NIPAL2: variants seen among roughly 807,000 people sequenced by gnomAD.
NIPAL2 encodes the protein NIPA-like protein 2.
NIPAL2 carries 43 observed loss-of-function variants against 48.9 expected under a neutral mutation model. The observed-to-expected ratio is 0.88, with a 90% CI of 0.69 to 1.13. NIPAL2 has a LOEUF of 1.13. Ranked by LOEUF, NIPAL2 falls within the 50% of genes most tolerant of loss-of-function variation. The pLI is 0.00. For synonymous variants in NIPAL2, 167 were observed against 174.6 expected, an observed-to-expected ratio of 0.96 and a Z score of 0.34; for missense variants, 446 against 461.4, an observed-to-expected ratio of 0.97 and a Z score of 0.31.
chr8:98,256,187 C>A (rs1813880824), intron 1 of NIPAL2, among the ~76,000 whole-genome samples: 1 of 151,976 alleles, frequency 6.6e-6, no homozygotes, highest in Non-Finnish European at 1.5e-5. Flanking sequence ...CCACACCCAG[C>A]AAATTTTTGT....
At chr8:98,238,760 T>C (rs1812844531) in intron 3 of NIPAL2, among the ~76,000 whole-genome samples, 1 of 152,204 alleles carries the variant, frequency 6.6e-6, no homozygotes, top group African/African-American at 2.4e-5. Flanking sequence ...TTTGAGTGTT[T>C]TGGTTTTAAA....
chr8:98,282,650 C>G (rs1815908030), intron 1 of NIPAL2, among the ~76,000 whole-genome samples: 1 of 151,974 alleles, frequency 6.6e-6, no homozygotes, highest in Admixed American at 6.5e-5. Context: ...CCAGCCTGGG[C>G]AACAGAGTGA....
chr8:98,201,843 ATTACT>A (rs1402529997), intron 8 of NIPAL2, among the ~76,000 whole-genome samples: 1 of 152,210 alleles, frequency 6.6e-6, no homozygotes, highest in African/African-American at 2.4e-5. Context: ...AAATGCATTA[ATTACT>A]TTAAAGAACT....
At chr8:98,211,588 C>T (rs1811317117) in intron 6 of NIPAL2, among the ~76,000 whole-genome samples, 1 of 152,130 alleles carries the variant, frequency 6.6e-6, no homozygotes, top group Admixed American at 6.5e-5. Context: ...CAAGTCATGG[C>T]AAACAGCACA....
At position 98,203,187 on chromosome 8, in the gene NIPAL2, A is replaced by G. The variant is rs200822750; in HGVS notation, c.801T>C (p.Asn267=). 9 of 1,613,994 alleles carry G rather than the reference A, an allele frequency of 5.6e-6. No individual in the cohort carries two copies. In the African/African-American group the frequency reaches 1.1e-4, roughly 19 times the overall value. The stretch of plus-strand genomic sequence containing the variant: ...TCGTATTGTAGAGTTTCGTGGCTTG[A>G]TTCAGGAACCTAGGGCAGAAGGCAC... ...ASCVFQVKFL[N]QATKLYNTTT... is the part of the protein sequence containing the mutation. The change falls in exon 8 of 11, where the codon AAT becomes AAC. Residue 267 remains asparagine, a synonymous_variant. Coordinates refer to ENST00000430223, the MANE Select transcript of NIPAL2 (RefSeq NM_001321635.2).
At chr8:98,282,029 C>T (rs1415908870) in intron 1 of NIPAL2, among the ~76,000 whole-genome samples, 2 of 152,180 alleles carry the variant, frequency 1.3e-5, no homozygotes, top group African/African-American at 4.8e-5. Context: ...CCTCTTTCTG[C>T]CAGGCAAGGT....
intron 1 of NIPAL2, among the ~76,000 whole-genome samples, chr8:98,280,710 G>C (rs890059241): frequency 7.5e-6 from 1 of 133,974 alleles, no homozygotes; most frequent in African/African-American, 2.8e-5. Context: ...TATAACATGT[G>C]CCTCTGACTT....
intron 4 of NIPAL2, among the ~76,000 whole-genome samples, chr8:98,227,294 C>T (rs527464009): frequency 2.0e-5 from 3 of 152,228 alleles, no homozygotes; most frequent in Admixed American, 2.0e-4. Context: ...CATTTTTATT[C>T]ATTCATCTCC....
intron 1 of NIPAL2, among the ~76,000 whole-genome samples, chr8:98,261,816 A>C (rs1467554859): frequency 1.6e-4 from 24 of 147,914 alleles, no homozygotes; most frequent in African/African-American, 5.8e-4. Flanking sequence ...AACTCCAAGA[A>C]ACATAATTGT....
At position 98,210,929 on chromosome 8, in the gene NIPAL2, G is replaced by A. The variant is rs372757342; in HGVS notation, c.655+1476C>T. ...TTTATGCATGTAGCCAAAACACTTC[G>A]CAACCTGCAAGGGCCAATCAGAAAG... On this transcript the variant is annotated intron_variant, in intron 6 of 10. Coordinates refer to ENST00000430223, the MANE Select transcript of NIPAL2 (RefSeq NM_001321635.2). Among the ~76,000 whole-genome samples the A allele has an allele frequency of 5.9e-5, 9 of 152,106 alleles. No homozygotes were observed. In the South Asian group the frequency reaches 1.0e-3, roughly 18 times the overall value.
chr8:98,266,106 G>GGAAT (rs1213755318), intron 1 of NIPAL2, among the ~76,000 whole-genome samples: 25 of 129,440 alleles, frequency 1.9e-4, no homozygotes, highest in Non-Finnish European at 3.5e-4. Context: ...CACAGGAAGG[G>GGAAT]GAATATCACA....
At chr8:98,252,415 T>C (rs1813638135) in intron 3 of NIPAL2, 48 bp downstream of exon 3, 8 of 1,482,112 alleles carry the variant, frequency 5.4e-6, no homozygotes, top group Non-Finnish European at 7.2e-6. Context: ...TTTTCTCCGA[T>C]TATTCTGCTC....
intron 4 of NIPAL2, among the ~76,000 whole-genome samples, chr8:98,224,336 GT>G (rs891589863): frequency 2.0e-5 from 3 of 150,894 alleles, no homozygotes; most frequent in Admixed American, 6.6e-5. Flanking sequence ...TGTACATGAG[GT>G]TTTTTTTTAC....
chr8:98,258,887 A>G (rs1179290672), intron 1 of NIPAL2, among the ~76,000 whole-genome samples: 1 of 151,888 alleles, frequency 6.6e-6, no homozygotes, highest in Non-Finnish European at 1.5e-5. Flanking sequence ...TCGTTACTTA[A>G]TTAAGCGCCT....
At chr8:98,223,129 T>A (rs1265519596) in intron 4 of NIPAL2, among the ~76,000 whole-genome samples, 1 of 152,252 alleles carries the variant, frequency 6.6e-6, no homozygotes, top group African/African-American at 2.4e-5. Context: ...GCATCTTTAA[T>A]CACTGCCATT....
chr8:98,199,789 C>T (rs1269816617), intron 8 of NIPAL2, among the ~76,000 whole-genome samples: 2 of 152,124 alleles, frequency 1.3e-5, no homozygotes, highest in African/African-American at 4.8e-5. Context: ...CACAAACCTT[C>T]AATTTGTAAA....
Position 98,286,049 on chromosome 8 carries a change from A to C in NIPAL2, c.135+7954T>G, listed in dbSNP as rs185638162. 1.6e-4 allele frequency among the ~76,000 whole-genome samples: 24 copies of C among 152,258 alleles called. 2 individuals are homozygous for C. Among genetic ancestry groups the C allele is most frequent in the African/African-American group, 5.5e-4 (23 of 41,558 alleles). ...GGGCTGTGCCTTCATGAGCGGATTA[A>C]TGTCTTTGTTTCTGGAGTAGGTTTC... On this transcript the variant is annotated intron_variant, in intron 1 of 10. Transcript: ENST00000430223.
At chr8:98,222,401 T>G (rs1811937600) in intron 5 of NIPAL2, 78 bp downstream of exon 5, 3 of 1,420,692 alleles carry the variant, frequency 2.1e-6, no homozygotes, top group Non-Finnish European at 2.8e-6. Flanking sequence ...AGGAAAAGAT[T>G]ATGTTCTCTA....
chr8:98,221,706 G>T (rs1811894933), intron 5 of NIPAL2, among the ~76,000 whole-genome samples: 1 of 151,992 alleles, frequency 6.6e-6, no homozygotes, highest in Non-Finnish European at 1.5e-5. Context: ...TATCATCACT[G>T]GTCATTAGAG....
Sources: gnomAD v4.1 joint callset for allele counts (sites outside exome capture counted in the v4.1 genomes callset) on GRCh38, gnomAD v4.1.1 for gene constraint, MANE v1.5 for transcripts, NCBI Gene and HGNC (gene_info 2026-07-23, HGNC 2026-07-21) for gene names.